Variants in RAPGEF2 observed in about 807,000 individuals in gnomAD.
RAPGEF2 encodes the protein PDZ domain containing guanine nucleotide exchange factor (GEF) 1.
RAPGEF2 carries 54 observed loss-of-function variants against 186.7 expected under a neutral mutation model. The observed-to-expected ratio is 0.29, with a 90% CI of 0.23 to 0.36. RAPGEF2 has a LOEUF of 0.36. Ranked by LOEUF, RAPGEF2 falls within the 10% of genes least tolerant of loss-of-function variation. The pLI, the probability that RAPGEF2 is intolerant of heterozygous loss-of-function variation, is 1.00. For missense variants in RAPGEF2, 1,532 were observed against 2,045.0 expected (o/e 0.75, Z 4.84); for synonymous variants, 712 against 705.9 (o/e 1.01, Z -0.14).
At chr4:159,335,835 CA>C (rs778302629) in intron 17 of RAPGEF2, among the ~76,000 whole-genome samples, 3,199 of 48,222 alleles carry the variant, frequency 0.066, 12 homozygotes, top group African/African-American at 0.14. Flanking sequence ...GACTCCGTCT[CA>C]AAAAAAAAAA....
intron 11 of RAPGEF2, chr4:159,328,921 TG>T (rs1269036233): frequency 6.6e-6 from 1 of 152,150 alleles, no homozygotes; most frequent in Non-Finnish European, 1.5e-5. Context: ...AAAAGAATAA[TG>T]TATTATCAGA....
intron 7 of RAPGEF2, among the ~76,000 whole-genome samples, chr4:159,253,176 TG>T (rs1755673871): frequency 6.6e-6 from 1 of 152,220 alleles, no homozygotes; most frequent in African/African-American, 2.4e-5. Flanking sequence ...AAAATAAATG[TG>T]GGTGTTCTTT....
At chr4:159,148,252 A>T (rs1372702274) in intron 1 of RAPGEF2, among the ~76,000 whole-genome samples, 2 of 152,200 alleles carry the variant, frequency 1.3e-5, no homozygotes, top group Non-Finnish European at 2.9e-5. Context: ...ATTCATAAAG[A>T]AATAGTAAGT....
At chr4:159,159,311 T>A (rs1283666147) in intron 1 of RAPGEF2, among the ~76,000 whole-genome samples, 1 of 152,218 alleles carries the variant, frequency 6.6e-6, no homozygotes, top group Non-Finnish European at 1.5e-5. Flanking sequence ...ACATCACTAT[T>A]CTCTTAGGAA....
At chr4:159,283,810 T>C (rs1760064399) in intron 7 of RAPGEF2, among the ~76,000 whole-genome samples, 2 of 152,224 alleles carry the variant, frequency 1.3e-5, no homozygotes, top group Admixed American at 6.5e-5. Context: ...TGGTGTTATG[T>C]AACCATTTAA....
intron 1 of RAPGEF2, among the ~76,000 whole-genome samples, chr4:159,171,158 G>A (rs1033295815): frequency 6.6e-6 from 1 of 152,172 alleles, no homozygotes; most frequent in African/African-American, 2.4e-5. Flanking sequence ...ATGCTGTTTT[G>A]AGTATGTTGT....
In RAPGEF2 at chr4:159,330,411, G is replaced by A. The variant is rs1766525518; in HGVS notation, c.1380G>A (p.Leu460=). The stretch of plus-strand genomic sequence containing the variant: ...ATCCAACATTCATAGAAGACTTTCT[G>A]TTGACCTATAGGACTTTTCTTTCTA... ...VVDPTFIEDF[L]LTYRTFLSSP... The change falls in exon 13 of 30, where the codon CTG becomes CTA. Residue 460 remains leucine, a synonymous_variant. Transcript: ENST00000691494. 1 of 1,606,964 alleles carries A rather than the reference G, an allele frequency of 6.2e-7. No homozygotes were observed. Among genetic ancestry groups the A allele is most frequent in the African/African-American group, 1.3e-5 (1 of 74,578 alleles).
chr4:159,165,678 CA>C (rs1745233545), intron 1 of RAPGEF2, among the ~76,000 whole-genome samples: 1 of 152,092 alleles, frequency 6.6e-6, no homozygotes. Flanking sequence ...AGTGCAGTGG[CA>C]GGATCACAGT....
intron 1 of RAPGEF2, among the ~76,000 whole-genome samples, chr4:159,151,893 C>T (rs1011206118): frequency 5.3e-5 from 8 of 152,172 alleles, no homozygotes; most frequent in Admixed American, 5.2e-4. Flanking sequence ...GGTACTTCTT[C>T]ATCTAGAGGG....
intron 7 of RAPGEF2, among the ~76,000 whole-genome samples, chr4:159,245,210 A>C (rs78860977): frequency 0.011 from 1,668 of 152,144 alleles, 27 homozygotes; most frequent in African/African-American, 0.038. Context: ...AGAAACATGA[A>C]TACTCATAGT....
intron 3 of RAPGEF2, among the ~76,000 whole-genome samples, chr4:159,195,902 T>TC (rs1748604092): frequency 2.0e-5 from 2 of 102,068 alleles, no homozygotes; most frequent in East Asian, 2.2e-4. Flanking sequence ...TTTTTTTTTT[T>TC]TTCCCCAAGT....
At chr4:159,222,916 TTATATA>T (rs141718364) in intron 4 of RAPGEF2, among the ~76,000 whole-genome samples, 1 of 148,898 alleles carries the variant, frequency 6.7e-6, no homozygotes, top group African/African-American at 2.5e-5. Flanking sequence ...ATGAGTTGAA[TTATATA>T]TATATATATA....
At chr4:159,189,435 T>G (rs1747889734) in intron 2 of RAPGEF2, among the ~76,000 whole-genome samples, 1 of 152,116 alleles carries the variant, frequency 6.6e-6, no homozygotes, top group African/African-American at 2.4e-5. Context: ...CCGTTTAGTT[T>G]ATATAGGCAA....
At chr4:159,237,352 T>C (rs536206498) in intron 4 of RAPGEF2, among the ~76,000 whole-genome samples, 1 of 152,262 alleles carries the variant, frequency 6.6e-6, no homozygotes, top group East Asian at 1.9e-4. Flanking sequence ...CTTAATTATC[T>C]TTAACAATCA....
intron 1 of RAPGEF2, among the ~76,000 whole-genome samples, chr4:159,110,241 C>T (rs765903385): frequency 1.3e-5 from 2 of 152,116 alleles, no homozygotes; most frequent in Admixed American, 6.5e-5. Flanking sequence ...ACATTAATGT[C>T]TTCTACTACA....
chr4:159,150,180 T>C (rs920272912), intron 1 of RAPGEF2, among the ~76,000 whole-genome samples: 4 of 147,312 alleles, frequency 2.7e-5, no homozygotes, highest in African/African-American at 1.1e-4. Flanking sequence ...TTTTGTTATT[T>C]GTGGTAGTTA....
At chr4:159,300,242 T>C (rs1762493177) in intron 7 of RAPGEF2, among the ~76,000 whole-genome samples, 1 of 151,746 alleles carries the variant, frequency 6.6e-6, no homozygotes, top group South Asian at 2.1e-4. Flanking sequence ...TATAATCTGA[T>C]TTAAGTCTGA....
chr4:159,299,229 G>C (rs1175351143), intron 7 of RAPGEF2, among the ~76,000 whole-genome samples: 3 of 152,090 alleles, frequency 2.0e-5, no homozygotes, highest in Non-Finnish European at 4.4e-5. Context: ...AAATTGACTA[G>C]ATTCCAGTGA....
At chr4:159,122,627 GTAA>G (rs1400514458) in intron 1 of RAPGEF2, among the ~76,000 whole-genome samples, 1 of 152,200 alleles carries the variant, frequency 6.6e-6, no homozygotes, top group Non-Finnish European at 1.5e-5. Flanking sequence ...CGGTACTACT[GTAA>G]TAATTTTGTA....
Sources: allele counts gnomAD v4.1 joint callset (sites outside exome capture counted in the v4.1 genomes callset), GRCh38; gene constraint gnomAD v4.1.1; transcripts MANE v1.5; gene names NCBI Gene and HGNC (gene_info 2026-07-23, HGNC 2026-07-21).